VSNL1: variants seen among roughly 807,000 people sequenced by gnomAD.
VSNL1 encodes the protein visinin-like protein 1.
A neutral mutation model predicts 20.4 loss-of-function variants in VSNL1; 6 were observed. That is an observed-to-expected ratio of 0.29 (90% CI 0.16 to 0.58). VSNL1 has a LOEUF of 0.58. Ranked by LOEUF, VSNL1 falls within the 20% of genes least tolerant of loss-of-function variation. The pLI, the probability that VSNL1 is intolerant of heterozygous loss-of-function variation, is 0.90. For synonymous variants in VSNL1, 93 were observed against 86.4 expected, an observed-to-expected ratio of 1.08 and a Z score of -0.42; for missense variants, 100 against 234.5, an observed-to-expected ratio of 0.43 and a Z score of 3.75.
intron 2 of VSNL1, among the ~76,000 whole-genome samples, chr2:17,633,774 A>G (rs1229214736): frequency 6.6e-6 from 1 of 152,144 alleles, no homozygotes; most frequent in Admixed American, 6.5e-5. Flanking sequence ...GTCATTGCTC[A>G]GAGGGGAAGC....
intron 1 of VSNL1, among the ~76,000 whole-genome samples, chr2:17,564,144 A>G (rs182820281): frequency 1.3e-5 from 2 of 152,154 alleles, no homozygotes; most frequent in African/African-American, 2.4e-5. Context: ...GCTTTCTTTT[A>G]TTTGTTCTGG....
chr2:17,618,929 T>A (rs62133579), intron 2 of VSNL1, among the ~76,000 whole-genome samples: 8,154 of 152,174 alleles, frequency 0.054, 254 homozygotes, highest in East Asian at 0.092. Context: ...AGCACTTTGG[T>A]CCTACTGCTG....
intron 1 of VSNL1, among the ~76,000 whole-genome samples, chr2:17,581,085 T>G (rs1664339351): frequency 6.6e-6 from 1 of 152,250 alleles, no homozygotes; most frequent in South Asian, 2.1e-4. Context: ...ACCTGCATTT[T>G]TGACTTAACA....
chr2:17,594,059 T>A (rs1664655464), intron 2 of VSNL1, among the ~76,000 whole-genome samples: 1 of 152,166 alleles, frequency 6.6e-6, no homozygotes, highest in Non-Finnish European at 1.5e-5. Flanking sequence ...TTTGAAGAAA[T>A]AGTTGAAATG....
intron 1 of VSNL1, among the ~76,000 whole-genome samples, chr2:17,573,754 A>G (rs1664135784): frequency 6.6e-6 from 1 of 152,212 alleles, no homozygotes; most frequent in South Asian, 2.1e-4. Flanking sequence ...TTTGGGTAAA[A>G]GTGGCAACTG....
intron 1 of VSNL1, among the ~76,000 whole-genome samples, chr2:17,582,490 A>G (rs983792139): frequency 6.6e-6 from 1 of 152,156 alleles, no homozygotes; most frequent in Non-Finnish European, 1.5e-5. Context: ...GTGATAGGAT[A>G]ATGGCTTGAA....
intron 1 of VSNL1, among the ~76,000 whole-genome samples, chr2:17,552,747 T>G (rs1327631987): frequency 6.6e-6 from 1 of 152,122 alleles, no homozygotes; most frequent in Non-Finnish European, 1.5e-5. Flanking sequence ...CTCCTAAGGA[T>G]TTTTATAGTT....
At chr2:17,646,728 CAA>C (rs1666006464) in intron 2 of VSNL1, among the ~76,000 whole-genome samples, 1 of 151,880 alleles carries the variant, frequency 6.6e-6, no homozygotes, top group Non-Finnish European at 1.5e-5. Context: ...AGAATTGAAA[CAA>C]AATACATTGA....
At chr2:17,608,280 T>G (rs1162407994) in intron 2 of VSNL1, among the ~76,000 whole-genome samples, 1 of 152,224 alleles carries the variant, frequency 6.6e-6, no homozygotes, top group Non-Finnish European at 1.5e-5. Flanking sequence ...CACTGCATAG[T>G]CAAGGTAGTA....
intron 1 of VSNL1, among the ~76,000 whole-genome samples, chr2:17,580,786 T>C (rs1310622703): frequency 6.6e-6 from 1 of 152,208 alleles, no homozygotes; most frequent in Non-Finnish European, 1.5e-5. Context: ...AAGTGAGCTT[T>C]GTTAGGATTT....
intron 1 of VSNL1, among the ~76,000 whole-genome samples, chr2:17,564,873 G>C (rs926789444): frequency 2.0e-5 from 3 of 152,080 alleles, no homozygotes; most frequent in Non-Finnish European, 4.4e-5. Context: ...CAAAGTAGTC[G>C]TAAGATTACG....
At chr2:17,633,975 C>T (rs945404508) in intron 2 of VSNL1, among the ~76,000 whole-genome samples, 1 of 152,130 alleles carries the variant, frequency 6.6e-6, no homozygotes, top group Non-Finnish European at 1.5e-5. Flanking sequence ...GAAAGATTTC[C>T]CATGGATCGG....
intron 2 of VSNL1, among the ~76,000 whole-genome samples, chr2:17,643,898 C>T (rs1048874231): frequency 6.6e-6 from 1 of 152,118 alleles, no homozygotes; most frequent in Non-Finnish European, 1.5e-5. Flanking sequence ...GAAAGCGGCC[C>T]CGGGACAAGG....
chr2:17,561,761 G>A (rs140810865), intron 1 of VSNL1, among the ~76,000 whole-genome samples: 19 of 152,202 alleles, frequency 1.2e-4, no homozygotes, highest in South Asian at 1.2e-3. Context: ...ATCGGGGAGC[G>A]TGGCTGTGTT....
At chr2:17,621,118 A>C (rs79951305) in intron 2 of VSNL1, among the ~76,000 whole-genome samples, 357 of 152,332 alleles carry the variant, frequency 2.3e-3, no homozygotes, top group African/African-American at 8.3e-3. Flanking sequence ...CTTTAAAAAC[A>C]ATACCTAGCA....
At chr2:17,596,792 G>C (rs1253998906) in intron 2 of VSNL1, among the ~76,000 whole-genome samples, 1 of 152,170 alleles carries the variant, frequency 6.6e-6, no homozygotes, top group Non-Finnish European at 1.5e-5. Context: ...ATTCCTAGCT[G>C]TGTTACATTT....
At chr2:17,635,813 G>A (rs1395463261) in intron 2 of VSNL1, among the ~76,000 whole-genome samples, 1 of 152,192 alleles carries the variant, frequency 6.6e-6, no homozygotes, top group South Asian at 2.1e-4. Context: ...GCCTGACACT[G>A]TACAAAATGC....
intron 1 of VSNL1, among the ~76,000 whole-genome samples, chr2:17,545,676 A>G (rs1230890220): frequency 1.3e-5 from 2 of 152,118 alleles, no homozygotes; most frequent in Non-Finnish European, 2.9e-5. Flanking sequence ...CCCAGCTTAA[A>G]TCATTGAGAA....
intron 2 of VSNL1, among the ~76,000 whole-genome samples, chr2:17,640,438 A>C (rs1665858958): frequency 6.6e-6 from 1 of 152,146 alleles, no homozygotes; most frequent in Non-Finnish European, 1.5e-5. Flanking sequence ...TACATGATGC[A>C]TTTCCTTTGT....
Sources: allele counts gnomAD v4.1 joint callset (sites outside exome capture counted in the v4.1 genomes callset), GRCh38; gene constraint gnomAD v4.1.1; transcripts MANE v1.5; gene names NCBI Gene and HGNC (gene_info 2026-07-23, HGNC 2026-07-21).